Variants in MND1 observed in about 807,000 individuals in gnomAD.
MND1 encodes meiotic nuclear division protein 1 homolog.
In MND1, 28 loss-of-function variants were observed where a neutral mutation model predicts 35.1. The ratio of observed to expected loss-of-function variants is 0.80; its 90% CI spans 0.59 to 1.09. MND1 has a LOEUF of 1.09. Among genes scored for constraint, MND1 ranks in the 50% least tolerant of loss-of-function variants. The pLI is 0.00. For missense variants in MND1, 213 were observed against 239.6 expected (o/e 0.89, Z 0.73); for synonymous variants, 69 against 70.5 (o/e 0.98, Z 0.11).
intron 6 of MND1, among the ~76,000 whole-genome samples, chr4:153,404,174 C>CTTTT (rs71598277): frequency 1.4e-4 from 10 of 73,782 alleles, no homozygotes; most frequent in Non-Finnish European, 1.8e-4. Context: ...AAAATTGGTT[C>CTTTT]TTTTTTTTTT....
intron 4 of MND1, among the ~76,000 whole-genome samples, chr4:153,362,164 T>C (rs1466405939): frequency 2.6e-5 from 4 of 152,226 alleles, no homozygotes; most frequent in African/African-American, 9.6e-5. Flanking sequence ...GTTTTTCCTA[T>C]ACTGTTCTAT....
chr4:153,384,232 A>T lies in MND1; in HGVS notation c.277-10030A>T, dbSNP rs79255298. On this transcript the variant is annotated intron_variant, in intron 4 of 7. Coordinates refer to ENST00000240488, the MANE Select transcript of MND1 (RefSeq NM_032117.4). ...TTTTAAAATCTGCCTGCTTTTTTTC[A>T]TCCATATTTCCATTTCTACTTTCTG... 2.3e-3 allele frequency among the ~76,000 whole-genome samples: 263 copies of T among 113,210 alleles called. 2 individuals are homozygous for T. Among genetic ancestry groups the T allele is most frequent in the African/African-American group, 8.0e-3 (241 of 30,176 alleles). The allele number at this position is 113,210 out of a possible 152,430, so 74.3% of individuals were successfully genotyped here.
intron 4 of MND1, among the ~76,000 whole-genome samples, chr4:153,377,569 A>T (rs1728544203): frequency 6.6e-6 from 1 of 152,192 alleles, no homozygotes; most frequent in Non-Finnish European, 1.5e-5. Context: ...CATGTCAACA[A>T]ATCATTGCAA....
chr4:153,395,492 G>T (rs1029728106), intron 5 of MND1, among the ~76,000 whole-genome samples: 1 of 152,142 alleles, frequency 6.6e-6, no homozygotes, highest in African/African-American at 2.4e-5. Flanking sequence ...GAAGTCTTGT[G>T]CTCATCCTGA....
chr4:153,352,812 A>G (rs1773249561), intron 2 of MND1, among the ~76,000 whole-genome samples: 1 of 151,284 alleles, frequency 6.6e-6, no homozygotes, highest in African/African-American at 2.4e-5. Context: ...ATGGTACCTT[A>G]CACATAGTTC....
At chr4:153,354,785 A>T (rs538349400) in intron 2 of MND1, among the ~76,000 whole-genome samples, 1 of 152,248 alleles carries the variant, frequency 6.6e-6, no homozygotes, top group East Asian at 1.9e-4. Context: ...TAGACAGGAG[A>T]CACCATGACT....
rs1333968057 is a variant in MND1 at position 153,394,356 on chromosome 4, T to A, written c.351+20T>A. Reference sequence around the variant, plus strand: ...GAAACGGTAAGTTTGTGTCTATAGATTATTTTAATAATGGCAATTCTAAAT... The same window carrying A: ...GAAACGGTAAGTTTGTGTCTATAGAATATTTTAATAATGGCAATTCTAAAT... On this transcript the variant is annotated intron_variant, in intron 5 of 7. Transcript: ENST00000240488. 1.4e-5 allele frequency: 22 copies of A among 1,589,972 alleles called. No homozygotes were observed. The highest frequency in any genetic ancestry group is 9.0e-5 in the East Asian group (4 of 44,482).
chr4:153,376,325 A>G (rs1481932610), intron 4 of MND1, among the ~76,000 whole-genome samples: 4 of 152,082 alleles, frequency 2.6e-5, no homozygotes, highest in African/African-American at 9.7e-5. Context: ...GAAAGAGAAA[A>G]GGAGTGAGTG....
intron 4 of MND1, among the ~76,000 whole-genome samples, chr4:153,372,208 G>A (rs1773807295): frequency 6.6e-6 from 1 of 151,952 alleles, no homozygotes; most frequent in African/African-American, 2.4e-5. Flanking sequence ...CAAGAAGTGA[G>A]CACATGCCAT....
chr4:153,379,571 G>C (rs1018508935), intron 4 of MND1, among the ~76,000 whole-genome samples: 3 of 151,600 alleles, frequency 2.0e-5, no homozygotes, highest in African/African-American at 7.3e-5. Flanking sequence ...AGAAAAATTA[G>C]CCAGGCGTGG....
intron 4 of MND1, among the ~76,000 whole-genome samples, chr4:153,388,873 A>G (rs1373151017): frequency 1.3e-5 from 2 of 152,298 alleles, no homozygotes; most frequent in Non-Finnish European, 2.9e-5. Context: ...GACAGAGAAG[A>G]ATTTCACTGA....
intron 4 of MND1, among the ~76,000 whole-genome samples, chr4:153,390,009 G>A (rs757495909): frequency 6.7e-6 from 1 of 149,236 alleles, no homozygotes; most frequent in Non-Finnish European, 1.5e-5. Flanking sequence ...CCAGCAACCT[G>A]TGCCTTAAAA....
chr4:153,400,661 A>G (rs1488931946), intron 6 of MND1, among the ~76,000 whole-genome samples: 1 of 152,084 alleles, frequency 6.6e-6, no homozygotes, highest in Non-Finnish European at 1.5e-5. Flanking sequence ...GTAGTGAGCT[A>G]TGGTCGTGCC....
chr4:153,387,367 T>C lies in MND1; in HGVS notation c.277-6895T>C, dbSNP rs775459262. ...TGCTGAGACAGGTATATTGCTCCCA[T>C]CTTTATATATAAATATATCTTTACA... On this transcript the variant is annotated intron_variant, in intron 4 of 7. Coordinates refer to ENST00000240488, the MANE Select transcript of MND1 (RefSeq NM_032117.4). Among the ~76,000 whole-genome samples the C allele has an allele frequency of 1.8e-4, 28 of 152,196 alleles. No individual in the cohort carries two copies. The South Asian group carries it at 1.9e-3, about 10-fold the overall frequency.
intron 6 of MND1, among the ~76,000 whole-genome samples, chr4:153,397,724 GT>G (rs1244881196): frequency 2.6e-5 from 4 of 152,084 alleles, no homozygotes; most frequent in Non-Finnish European, 5.9e-5. Flanking sequence ...GGAGGCTGGG[GT>G]GGGAGAATCC....
intron 4 of MND1, among the ~76,000 whole-genome samples, chr4:153,377,036 TA>T (rs1728531362): frequency 6.6e-6 from 1 of 152,224 alleles, no homozygotes; most frequent in African/African-American, 2.4e-5. Flanking sequence ...TATTTAAAGT[TA>T]ATGGGTCAGA....
chr4:153,362,792 C>G (rs1050278127), intron 4 of MND1, among the ~76,000 whole-genome samples: 1 of 152,106 alleles, frequency 6.6e-6, no homozygotes, highest in African/African-American at 2.4e-5. Flanking sequence ...GTGGGAGCCA[C>G]AGATGCTCTG....
Position 153,414,816 on chromosome 4 carries a change from A to G in MND1, c.577A>G (p.Arg193Gly). The G allele has an allele frequency of 1.3e-6, 2 of 1,563,834 alleles. No individual in the cohort carries two copies. Among genetic ancestry groups the G allele is most frequent in the African/African-American group, 2.7e-5 (2 of 73,396 alleles). Residue 193 changes from arginine to glycine, a missense_variant, in exon 8 of 8, where the codon AGA (arginine) becomes GGA (glycine). Arg to Gly is a moderately radical substitution (Grantham distance 125, BLOSUM62 -2). Coordinates refer to ENST00000240488, the MANE Select transcript of MND1 (RefSeq NM_032117.4). ...KFGFEENKID[R>G]TFGIPEDFDY... The stretch of plus-strand genomic sequence containing the variant: ...TGGGTTTGAAGAAAATAAAATTGAT[A>G]GAACTTTTGGAATTCCAGAAGACTT...
At position 153,397,238 on chromosome 4, in the gene MND1, CA is replaced by C. The variant is rs748884806; in HGVS notation, c.375del (p.Glu126SerfsTer12). 2 of 1,611,538 alleles carry C rather than the reference CA, an allele frequency of 1.2e-6. No homozygotes were observed. The highest frequency in any genetic ancestry group is 1.7e-6 in the Non-Finnish European group (2 of 1,178,812). ...ATGCAGGAAGAGCGAACCAGGCTAG[CA>C]AAAGAGCTTTCTTCACTTCGAGACC... Reference protein sequence around the residue: ...RCETEERTRLAKELSSLRDQR... With the variant: ...RCETEERTRLXKELSSLRDQR... On this transcript the variant is annotated frameshift_variant, in exon 6 of 8. Coordinates refer to ENST00000240488, the MANE Select transcript of MND1 (RefSeq NM_032117.4). LOFTEE classifies it high-confidence loss of function.
Sources: gnomAD v4.1 joint callset for allele counts (sites outside exome capture counted in the v4.1 genomes callset) on GRCh38, gnomAD v4.1.1 for gene constraint, MANE v1.5 for transcripts, NCBI Gene and HGNC (gene_info 2026-07-23, HGNC 2026-07-21) for gene names.